Variants in CRACD observed in about 807,000 individuals in gnomAD.
CRACD encodes capping protein inhibiting regulator of actin dynamics.
CRACD carries 56 observed loss-of-function variants against 106.8 expected under a neutral mutation model. That is an observed-to-expected ratio of 0.52 (90% CI 0.42 to 0.66). The LOEUF is 0.66. CRACD is among the 30% of genes least tolerant of loss of function. The pLI is 0.00. For missense variants in CRACD, 1,730 were observed against 1,623.2 expected, an observed-to-expected ratio of 1.07 and a Z score of -1.13; for synonymous variants, 754 against 670.8, an observed-to-expected ratio of 1.12 and a Z score of -1.92.
At chr4:56,319,340 T>G (rs1415449999) in intron 8 of CRACD, among the ~76,000 whole-genome samples, 1 of 152,182 alleles carries the variant, frequency 6.6e-6, no homozygotes, top group Non-Finnish European at 1.5e-5. Context: ...CGTGGTGGCT[T>G]ACACCTGTAA....
intron 3 of CRACD, among the ~76,000 whole-genome samples, chr4:56,285,929 G>T (rs975106830): frequency 6.6e-6 from 1 of 152,002 alleles, no homozygotes; most frequent in African/African-American, 2.4e-5. Flanking sequence ...TCCCTAAGAG[G>T]TAAGAGGTAA....
intron 2 of CRACD, among the ~76,000 whole-genome samples, chr4:56,256,771 A>C (rs951246625): frequency 6.6e-6 from 1 of 152,210 alleles, no homozygotes; most frequent in African/African-American, 2.4e-5. Context: ...TATCTGTGGA[A>C]TGTAAACCAA....
chr4:56,170,194 C>G (rs1736307494), intron 1 of CRACD: 1 of 152,306 alleles, frequency 6.6e-6, no homozygotes, highest in African/African-American at 2.4e-5. Context: ...CCCTGCCTGT[C>G]ACATGCCTTC....
At chr4:56,216,108 A>G (rs886883133) in intron 2 of CRACD, 2 of 152,062 alleles carry the variant, frequency 1.3e-5, no homozygotes, top group African/African-American at 4.8e-5. Context: ...CCCTTTTCCA[A>G]TTGTAAAAGA....
intron 1 of CRACD, among the ~76,000 whole-genome samples, chr4:56,111,339 C>T (rs556999839): frequency 8.1e-5 from 12 of 148,362 alleles, no homozygotes; most frequent in East Asian, 2.0e-4. Flanking sequence ...AAGATGTGAA[C>T]GTGGTTGCCT....
In CRACD at chr4:56,254,281, C is replaced by T. The variant is rs905478974; in HGVS notation, c.-188-18040C>T. 4.6e-5 allele frequency among the ~76,000 whole-genome samples: 7 copies of T among 152,152 alleles called. 1 individual carries two copies. The highest frequency in any genetic ancestry group is 2.9e-5 in the Non-Finnish European group (2 of 68,000). On this transcript the variant is annotated intron_variant, in intron 2 of 10. Coordinates refer to ENST00000682029, the MANE Select transcript of CRACD (RefSeq NM_001393381.1). ...AAAGACATAAACTGTGTCAGTGCAA[C>T]GGAGTAAGTCTAAGATCAAGGAAGA...
chr4:56,183,572 G>T (rs1030702122), intron 2 of CRACD, among the ~76,000 whole-genome samples: 2 of 152,196 alleles, frequency 1.3e-5, no homozygotes, highest in African/African-American at 4.8e-5. Context: ...GACCACTGGC[G>T]GTCATGCTAG....
At chr4:56,140,491 A>C (rs1406879757) in intron 1 of CRACD, among the ~76,000 whole-genome samples, 1 of 151,914 alleles carries the variant, frequency 6.6e-6, no homozygotes, top group African/African-American at 2.4e-5. Context: ...ATCAATAAAG[A>C]GAAAACATCT....
In CRACD at chr4:56,306,170, C is replaced by T. The variant is rs1744680836; in HGVS notation, c.121-1365C>T. 2.0e-5 allele frequency among the ~76,000 whole-genome samples: 3 copies of T among 152,180 alleles called. No individual in the cohort carries two copies. In the South Asian group the frequency reaches 6.2e-4, roughly 32 times the overall value. ...AGGTGATTGCTATGGCTTTTTGCAG[C>T]TCTGTGGGGTTAAATATTAGCCAGA... On this transcript the variant is annotated intron_variant, in intron 4 of 10. Transcript: ENST00000682029.
intron 3 of CRACD, among the ~76,000 whole-genome samples, chr4:56,275,735 T>G (rs1742638487): frequency 6.6e-6 from 1 of 152,220 alleles, no homozygotes; most frequent in South Asian, 2.1e-4. Context: ...ATTTGCTATC[T>G]CCAAAATGGA....
chr4:56,263,086 C>T (rs1294200860), intron 2 of CRACD, among the ~76,000 whole-genome samples: 1 of 152,180 alleles, frequency 6.6e-6, no homozygotes, highest in African/African-American at 2.4e-5. Flanking sequence ...GGGGCTACCA[C>T]ACTCTTTGTG....
intron 3 of CRACD, among the ~76,000 whole-genome samples, chr4:56,279,419 A>G (rs930039414): frequency 1.3e-5 from 2 of 152,228 alleles, no homozygotes; most frequent in African/African-American, 2.4e-5. Flanking sequence ...GCTGATATCC[A>G]GAATCTACAA....
chr4:56,156,662 G>A (rs1735772971), intron 1 of CRACD, among the ~76,000 whole-genome samples: 1 of 152,176 alleles, frequency 6.6e-6, no homozygotes, highest in Admixed American at 6.5e-5. Flanking sequence ...TTCCTGAGCA[G>A]TTAGGGACAG....
intron 2 of CRACD, among the ~76,000 whole-genome samples, chr4:56,183,746 T>G (rs1429709617): frequency 6.6e-6 from 1 of 152,128 alleles, no homozygotes; most frequent in South Asian, 2.1e-4. Context: ...CGGAGGTTGG[T>G]TGGTGAGGGC....
chr4:56,135,681 A>C (rs1475118561), intron 1 of CRACD, among the ~76,000 whole-genome samples: 2 of 152,168 alleles, frequency 1.3e-5, no homozygotes, highest in Non-Finnish European at 2.9e-5. Flanking sequence ...TGAATGAGGA[A>C]ATGTGGTTGA....
chr4:56,293,644 G>A (rs1743824254), intron 3 of CRACD, among the ~76,000 whole-genome samples: 1 of 152,204 alleles, frequency 6.6e-6, no homozygotes, highest in South Asian at 2.1e-4. Flanking sequence ...GGAGTGAGGT[G>A]TTTCACATGG....
rs112556427 is a variant in CRACD, at chr4:56,079,450, CT to C, written c.-336+30164del. Among the ~76,000 whole-genome samples, 258 of 142,186 alleles carry C rather than the reference CT, an allele frequency of 1.8e-3. 1 individual carries two copies. The highest frequency in any genetic ancestry group is 2.6e-3 in the Admixed American group (37 of 14,148). 93.3% of individuals were successfully genotyped at this position (142,186 alleles called of 152,430 possible). On this transcript the variant is annotated intron_variant, in intron 1 of 10. Transcript: ENST00000682029. ...CGTCCTAGTAATTTTTTCTTCTTTTCTTTTTTTTTTTTTGAGATGGGGTTTT... is the reference window on the plus strand; with the variant it reads ...CGTCCTAGTAATTTTTTCTTCTTTTCTTTTTTTTTTTTGAGATGGGGTTTT...
chr4:56,266,452 C>T (rs1365999526), intron 2 of CRACD, among the ~76,000 whole-genome samples: 1 of 152,214 alleles, frequency 6.6e-6, no homozygotes, highest in African/African-American at 2.4e-5. Flanking sequence ...CTGTCCCCTT[C>T]TTCCCACTGC....
At chr4:56,212,923 T>C (rs1180198207) in intron 2 of CRACD, among the ~76,000 whole-genome samples, 1 of 152,164 alleles carries the variant, frequency 6.6e-6, no homozygotes, top group Admixed American at 6.5e-5. Flanking sequence ...CCAGTTTGCA[T>C]CAGAAGTTTG....
Sources: gnomAD v4.1 joint callset for allele counts (sites outside exome capture counted in the v4.1 genomes callset) on GRCh38, gnomAD v4.1.1 for gene constraint, MANE v1.5 for transcripts, NCBI Gene and HGNC (gene_info 2026-07-23, HGNC 2026-07-21) for gene names.